CCDC171: variants seen among roughly 807,000 people sequenced by gnomAD.
CCDC171 encodes the protein coiled-coil domain containing 171.
CCDC171 carries 177 observed loss-of-function variants against 168.2 expected under a neutral mutation model. The ratio of observed to expected loss-of-function variants is 1.05; its 90% CI spans 0.93 to 1.19. CCDC171 has a LOEUF of 1.19. Ranked by LOEUF, CCDC171 falls within the 50% of genes most tolerant of loss-of-function variation. CCDC171 has a pLI of 0.00. For synonymous variants in CCDC171, 687 were observed against 540.8 expected, an observed-to-expected ratio of 1.27 and a Z score of -3.75; for missense variants, 1,991 against 1,539.0, an observed-to-expected ratio of 1.29 and a Z score of -4.91.
intron 7 of CCDC171, among the ~76,000 whole-genome samples, chr9:15,653,749 G>T (rs1268772036): frequency 6.6e-6 from 1 of 151,800 alleles, no homozygotes. Context: ...TAAAAGATAA[G>T]GGTTTATTTT....
At chr9:15,628,285 G>T (rs546567044) in intron 7 of CCDC171, among the ~76,000 whole-genome samples, 3 of 152,130 alleles carry the variant, frequency 2.0e-5, no homozygotes, top group Non-Finnish European at 4.4e-5. Flanking sequence ...CAAAGAAAGG[G>T]ATGACAGGTG....
chr9:16,095,899 T>TATATATATATACATAC, the CCDC171 span, among the ~76,000 whole-genome samples: 1 of 140,202 alleles, frequency 7.1e-6, no homozygotes, highest in African/African-American at 2.7e-5. Flanking sequence ...TATATATATA[T>TATATATATATACATAC]ACTGCCTCCA....
At chr9:15,671,166 G>C (rs2049080757) in intron 9 of CCDC171, among the ~76,000 whole-genome samples, 2 of 152,082 alleles carry the variant, frequency 1.3e-5, no homozygotes, top group African/African-American at 4.8e-5. Context: ...ATTTTAAACT[G>C]TATTAGTTCA....
At chr9:15,851,661 AC>A (rs1390010937) in intron 23 of CCDC171, among the ~76,000 whole-genome samples, 5 of 151,880 alleles carry the variant, frequency 3.3e-5, no homozygotes, top group Non-Finnish European at 7.4e-5. Flanking sequence ...CAGTATGTGC[AC>A]CCATCACAAC....
chr9:16,088,251 C>G, the CCDC171 span, among the ~76,000 whole-genome samples: 1 of 152,248 alleles, frequency 6.6e-6, no homozygotes, highest in Non-Finnish European at 1.5e-5. Flanking sequence ...TTATGACACA[C>G]CCACAGCCAA....
At chr9:15,855,395 A>G (rs913448455) in intron 23 of CCDC171, among the ~76,000 whole-genome samples, 7 of 151,894 alleles carry the variant, frequency 4.6e-5, no homozygotes, top group Middle Eastern at 3.4e-3. Flanking sequence ...TGCGTGGGCT[A>G]TCTTTTTCTG....
At chr9:15,845,915 A>G (rs1479623236) in intron 21 of CCDC171, among the ~76,000 whole-genome samples, 1 of 152,132 alleles carries the variant, frequency 6.6e-6, no homozygotes, top group African/African-American at 2.4e-5. Context: ...CCTTCAGTGT[A>G]AAGTTGCACA....
At chr9:15,631,991 C>T (rs1258189395) in intron 7 of CCDC171, among the ~76,000 whole-genome samples, 2 of 152,142 alleles carry the variant, frequency 1.3e-5, no homozygotes, top group Non-Finnish European at 2.9e-5. Context: ...TAAAAACTCT[C>T]AATAAATTAG....
At chr9:16,088,026 G>A in the CCDC171 span, among the ~76,000 whole-genome samples, 1,215 of 152,198 alleles carry the variant, frequency 8.0e-3, 19 homozygotes, top group African/African-American at 0.027. Flanking sequence ...TATCCACCAC[G>A]ATCAACTTGG....
intron 18 of CCDC171, among the ~76,000 whole-genome samples, chr9:15,748,865 A>C (rs1398175950): frequency 1.3e-5 from 2 of 152,222 alleles, no homozygotes; most frequent in Non-Finnish European, 2.9e-5. Flanking sequence ...GCCACTGCAA[A>C]AACATGCCAA....
Position 15,594,487 on chromosome 9 carries a change from A to G in CCDC171, c.675+315A>G, listed in dbSNP as rs1201714252. 3.3e-5 allele frequency among the ~76,000 whole-genome samples: 5 copies of G among 152,188 alleles called. No individual in the cohort carries two copies. The South Asian group carries it at 6.2e-4, about 19-fold the overall frequency. Reference sequence around the variant, plus strand: ...GTTTTGAATAGGACAAAGAAATAGAATAATAGGATTCTGGATGTTAAAGAA... The same window carrying G: ...GTTTTGAATAGGACAAAGAAATAGAGTAATAGGATTCTGGATGTTAAAGAA... On this transcript the variant is annotated intron_variant, in intron 6 of 25. Transcript: ENST00000380701.
At chr9:15,731,683 C>T (rs1313953878) in intron 16 of CCDC171, among the ~76,000 whole-genome samples, 2 of 151,978 alleles carry the variant, frequency 1.3e-5, no homozygotes, top group Non-Finnish European at 2.9e-5. Context: ...AGTCTTTTGT[C>T]AACATATGGT....
chr9:16,001,929 C>G (rs1210623954), intron 3 of CCDC171, among the ~76,000 whole-genome samples: 2 of 149,366 alleles, frequency 1.3e-5, no homozygotes, highest in East Asian at 3.9e-4. Context: ...CCTTGACTTA[C>G]TGTGCTCAAA....
chr9:15,606,910 A>G (rs1052130580), intron 6 of CCDC171, among the ~76,000 whole-genome samples: 5 of 152,230 alleles, frequency 3.3e-5, no homozygotes, highest in African/African-American at 1.2e-4. Context: ...TTTCACACAC[A>G]CAGACACACA....
downstream of CCDC171, among the ~76,000 whole-genome samples, chr9:16,065,982 A>G (rs2133092639): frequency 2.0e-5 from 3 of 152,302 alleles, no homozygotes; most frequent in Admixed American, 2.0e-4. Flanking sequence ...GTACCACAAG[A>G]TGAGAAAGAG....
chr9:15,756,746 TTGTGGGAGAGACCTGG>T (rs2056143756), intron 18 of CCDC171, among the ~76,000 whole-genome samples: 1 of 152,250 alleles, frequency 6.6e-6, no homozygotes, highest in Non-Finnish European at 1.5e-5. Flanking sequence ...TTCCGGCATG[TTGTGGGAGAGACCTGG>T]TGGGAGATAA....
intron 6 of CCDC171, among the ~76,000 whole-genome samples, chr9:15,601,567 A>T (rs2042857473): frequency 6.6e-6 from 1 of 152,248 alleles, no homozygotes; most frequent in Non-Finnish European, 1.5e-5. Flanking sequence ...TGCTCTGGAT[A>T]CTGAGGCTGT....
chr9:16,095,869 CATATAT>C, the CCDC171 span, among the ~76,000 whole-genome samples: 516 of 123,814 alleles, frequency 4.2e-3, 11 homozygotes, highest in African/African-American at 0.013. Context: ...CACATAGGCA[CATATAT>C]ATATATATAT....
chr9:15,720,846 C>T (rs1017661874), intron 11 of CCDC171, among the ~76,000 whole-genome samples: 11 of 152,176 alleles, frequency 7.2e-5, no homozygotes, highest in Non-Finnish European at 1.5e-5. Context: ...TCCCTCCACC[C>T]ACCCCACAAC....
Sources: gnomAD v4.1 joint callset for allele counts (sites outside exome capture counted in the v4.1 genomes callset) on GRCh38, gnomAD v4.1.1 for gene constraint, MANE v1.5 for transcripts, NCBI Gene and HGNC (gene_info 2026-07-23, HGNC 2026-07-21) for gene names.